Variants in CASS4 observed in about 807,000 individuals in gnomAD.
The protein encoded by CASS4 is cas scaffolding protein family member 4.
CASS4 carries 22 observed loss-of-function variants against 54.2 expected under a neutral mutation model. That is an observed-to-expected ratio of 0.41 (90% confidence interval 0.29 to 0.58). The LOEUF (loss-of-function observed/expected upper bound fraction) is 0.58, where lower values mean the gene tolerates loss of function less well. Among genes scored for constraint, CASS4 ranks in the 20% least tolerant of loss-of-function variants. The probability of loss-of-function intolerance (pLI) is 0.36; values close to 1 mark genes in which losing one functional copy is unlikely to be tolerated. For synonymous variants in CASS4, 409 were observed against 391.5 expected, an observed-to-expected ratio of 1.04 and a Z score of -0.53; for missense variants, 854 against 986.7, an observed-to-expected ratio of 0.87 and a Z score of 1.80.
intron 2 of CASS4, among the ~76,000 whole-genome samples, chr20:56,441,084 G>T (rs528335328): frequency 1.1e-4 from 17 of 151,332 alleles, no homozygotes; most frequent in Middle Eastern, 3.4e-3. Flanking sequence ...TGCCTCCTGG[G>T]TTCAAGAGAT....
chr20:56,432,202 C>G (rs888351218), intron 1 of CASS4, among the ~76,000 whole-genome samples: 1 of 151,976 alleles, frequency 6.6e-6, no homozygotes, highest in African/African-American at 2.4e-5. Context: ...TGGTTAAAGT[C>G]CTACAAGATA....
At chr20:56,429,305 A>G (rs1979794285) in intron 1 of CASS4, among the ~76,000 whole-genome samples, 1 of 151,986 alleles carries the variant, frequency 6.6e-6, no homozygotes, top group African/African-American at 2.4e-5. Flanking sequence ...CTCTGCAGTT[A>G]TGCTCCTGCT....
At chr20:56,448,385 C>T (rs1247503161) in intron 3 of CASS4, among the ~76,000 whole-genome samples, 1 of 152,128 alleles carries the variant, frequency 6.6e-6, no homozygotes, top group African/African-American at 2.4e-5. Flanking sequence ...GCTCTCCTCC[C>T]CCTGGTCCTG....
chr20:56,448,628 A>C (rs981821954), intron 3 of CASS4, among the ~76,000 whole-genome samples: 1 of 151,544 alleles, frequency 6.6e-6, no homozygotes, highest in African/African-American at 2.4e-5. Context: ...TCACAGCCCA[A>C]CTCCCTCTAC....
At chr20:56,426,887 C>A (rs1010860750) in intron 1 of CASS4, among the ~76,000 whole-genome samples, 1 of 152,162 alleles carries the variant, frequency 6.6e-6, no homozygotes, top group Non-Finnish European at 1.5e-5. Flanking sequence ...CCAGCTTCTC[C>A]CCCTTATTTG....
chr20:56,446,710 GCAAAAGCATC>G (rs1349872153), intron 3 of CASS4, among the ~76,000 whole-genome samples: 1 of 152,108 alleles, frequency 6.6e-6, no homozygotes, highest in Admixed American at 6.5e-5. Flanking sequence ...TTCGTTGTAT[GCAAAAGCATC>G]TGAGAGCTTT....
intron 1 of CASS4, among the ~76,000 whole-genome samples, chr20:56,429,956 A>G (rs950658036): frequency 6.6e-6 from 1 of 152,062 alleles, no homozygotes; most frequent in Non-Finnish European, 1.5e-5. Flanking sequence ...GAAACCCTGT[A>G]TTTATTTCTG....
chr20:56,458,355 A>C lies in CASS4; in HGVS notation c.1969A>C (p.Ile657Leu). 1 of 1,611,610 alleles carries C rather than the reference A, an allele frequency of 6.2e-7. No individual in the cohort carries two copies. The change falls in exon 6 of 6, where the codon ATA becomes CTA. Residue 657 changes from isoleucine to leucine, a missense_variant. Transcript: ENST00000679887. ...NICGQNPGPL[I>L]PQPSSQQTPE... ...CCTTCTTTAGAATCCTGGCCCTCTT[A>C]TACCTCAGCCTTCGAGTCAACAGAC... is the stretch of plus-strand genomic sequence containing the variant.
intron 1 of CASS4, among the ~76,000 whole-genome samples, chr20:56,428,837 C>G (rs771064174): frequency 6.6e-6 from 1 of 152,152 alleles, no homozygotes; most frequent in Non-Finnish European, 1.5e-5. Flanking sequence ...TGCTGCATGA[C>G]CAGAGGCAGG....
At chr20:56,434,373 C>G (rs896840000) in intron 1 of CASS4, among the ~76,000 whole-genome samples, 8 of 152,066 alleles carry the variant, frequency 5.3e-5, no homozygotes, top group Non-Finnish European at 1.0e-4. Flanking sequence ...AATGGAAAAC[C>G]AAGCCACTGT....
At chr20:56,436,506 G>A (rs1382393871) in intron 1 of CASS4, among the ~76,000 whole-genome samples, 2 of 151,532 alleles carry the variant, frequency 1.3e-5, no homozygotes, top group African/African-American at 4.9e-5. Context: ...CCATGAGGTA[G>A]GTATTACTAT....
Position 56,412,484 on chromosome 20 carries a change from G to A in CASS4, c.26G>A (p.Cys9Tyr), listed in dbSNP as rs1484335408. 1 of 1,612,490 alleles carries A rather than the reference G, an allele frequency of 6.2e-7. No individual in the cohort carries two copies. Among genetic ancestry groups the A allele is most frequent in the Non-Finnish European group, 8.5e-7 (1 of 1,179,340 alleles). The change falls in exon 1 of 6, where the codon TGT becomes TAT. Residue 9 changes from cysteine to tyrosine, a missense_variant. Physicochemically the swap from Cys to Tyr is radical, Grantham distance 194 (BLOSUM62 -2). Coordinates refer to ENST00000679887, the MANE Select transcript of CASS4 (RefSeq NM_020356.4). The surrounding 1 kb of genome is among the most constrained non-coding windows in gnomAD (Gnocchi z 4.2). MKGTGIMDCAPKALLARAL... is the reference protein window; with the variant it reads MKGTGIMDYAPKALLARAL... ...ATGAAGGGAACAGGCATCATGGACT[G>A]TGCGCCCAAGGTGAGTGATGTGGGG...
chr20:56,451,032 AAAAG>A (rs1331483379), intron 4 of CASS4, among the ~76,000 whole-genome samples: 7 of 151,880 alleles, frequency 4.6e-5, no homozygotes, highest in East Asian at 3.9e-4. Flanking sequence ...AAAAAAAAAA[AAAAG>A]AAAGAAAGAA....
chr20:56,433,265 T>G (rs996502084), intron 1 of CASS4, among the ~76,000 whole-genome samples: 6 of 152,136 alleles, frequency 3.9e-5, no homozygotes, highest in Non-Finnish European at 2.9e-5. Flanking sequence ...GAAGTGACAT[T>G]TAAGATAAGC....
intron 3 of CASS4, among the ~76,000 whole-genome samples, chr20:56,448,764 T>A (rs139483698): frequency 1.3e-5 from 2 of 152,338 alleles, no homozygotes; most frequent in East Asian, 3.9e-4. Context: ...TTTTAATTAC[T>A]GTACACATTA....
intron 1 of CASS4, among the ~76,000 whole-genome samples, chr20:56,431,793 C>A (rs1469563734): frequency 6.6e-6 from 1 of 152,210 alleles, no homozygotes; most frequent in African/African-American, 2.4e-5. Context: ...TATTTCTAGA[C>A]AAATGCAAGC....
intron 1 of CASS4, among the ~76,000 whole-genome samples, chr20:56,416,442 A>G (rs1356510408): frequency 6.6e-6 from 1 of 152,170 alleles, no homozygotes; most frequent in Non-Finnish European, 1.5e-5. Context: ...GATTTTTGGT[A>G]GTTTCAAGAT....
At chr20:56,422,495 G>T (rs1412359407) in intron 1 of CASS4, among the ~76,000 whole-genome samples, 3 of 152,232 alleles carry the variant, frequency 2.0e-5, no homozygotes, top group Non-Finnish European at 4.4e-5. Context: ...AGTAGAGGAA[G>T]TATATTAAAG....
chr20:56,450,690 A>AGAGGTGCT lies in CASS4; in HGVS notation c.642+12_642+19dup, dbSNP rs1980954593. ...GACAGCCAAGCAAGTGTAAGTATGA[A>AGAGGTGCT]GAGGTGCTAAGGTGCGGTGTTATGA... is the stretch of plus-strand genomic sequence containing the variant. On this transcript the variant is annotated intron_variant, in intron 4 of 5. Coordinates refer to ENST00000679887, the MANE Select transcript of CASS4 (RefSeq NM_020356.4). 1 of 1,613,054 alleles carries AGAGGTGCT rather than the reference A, an allele frequency of 6.2e-7. No homozygotes were observed. Among genetic ancestry groups the AGAGGTGCT allele is most frequent in the East Asian group, 2.2e-5 (1 of 44,882 alleles).
Sources: gnomAD v4.1 joint callset for allele counts (sites outside exome capture counted in the v4.1 genomes callset) on GRCh38, gnomAD v4.1.1 for gene constraint, Gnocchi (gnomAD v3.1) non-coding constraint, MANE v1.5 for transcripts, NCBI Gene and HGNC (gene_info 2026-07-23, HGNC 2026-07-21) for gene names.